Variants in NPTN observed in about 807,000 individuals in gnomAD.
The protein encoded by NPTN is SDR-1.
A neutral mutation model predicts 42.7 loss-of-function variants in NPTN; 5 were observed. The observed-to-expected ratio is 0.12, with a 90% CI of 0.06 to 0.25. The LOEUF is 0.25. NPTN is among the 10% of genes least tolerant of loss of function. The probability of loss-of-function intolerance (pLI) is 1.00; values close to 1 mark genes in which losing one functional copy is unlikely to be tolerated. For synonymous variants in NPTN, 180 were observed against 201.9 expected (o/e 0.89, Z 0.92); for missense variants, 307 against 525.4 (o/e 0.58, Z 4.06).
chr15:73,615,511 G>C (rs928398660), intron 1 of NPTN, among the ~76,000 whole-genome samples: 1 of 152,068 alleles, frequency 6.6e-6, no homozygotes, highest in African/African-American at 2.4e-5. Context: ...CTCACTGACA[G>C]CAATGCTTTT....
chr15:73,574,297 G>A (rs912973036), intron 4 of NPTN, among the ~76,000 whole-genome samples: 1 of 152,136 alleles, frequency 6.6e-6, no homozygotes, highest in Non-Finnish European at 1.5e-5. Context: ...GCTTGGAGAA[G>A]CTACTCAATA....
intron 1 of NPTN, among the ~76,000 whole-genome samples, chr15:73,619,811 G>T (rs1032943169): frequency 2.0e-5 from 3 of 152,158 alleles, no homozygotes; most frequent in Non-Finnish European, 4.4e-5. Context: ...CACATAGCTA[G>T]CTTTAAAACA....
intron 1 of NPTN, among the ~76,000 whole-genome samples, chr15:73,603,485 A>G (rs76343330): frequency 0.037 from 5,639 of 152,346 alleles, 167 homozygotes; most frequent in African/African-American, 0.077. Context: ...GGAATTCTTC[A>G]TTCCTTCCTA....
intron 1 of NPTN, among the ~76,000 whole-genome samples, chr15:73,607,174 C>T (rs1301184656): frequency 6.6e-6 from 1 of 152,224 alleles, no homozygotes; most frequent in Non-Finnish European, 1.5e-5. Context: ...CTACATCTAT[C>T]ACCATGTTCT....
chr15:73,600,130 G>T (rs76848667), intron 1 of NPTN, among the ~76,000 whole-genome samples: 7,790 of 152,252 alleles, frequency 0.051, 211 homozygotes, highest in South Asian at 0.093. Context: ...GAGTCACTCA[G>T]CCAGATCATG....
chr15:73,604,247 C>T (rs12593246), intron 1 of NPTN, among the ~76,000 whole-genome samples: 85,439 of 151,988 alleles, frequency 0.56, 24,201 homozygotes, highest in African/African-American at 0.62. Flanking sequence ...TCTGATCGCT[C>T]GAGTCCAAGA....
intron 2 of NPTN, among the ~76,000 whole-genome samples, chr15:73,592,884 T>C (rs557843028): frequency 1.6e-4 from 25 of 152,342 alleles, no homozygotes; most frequent in Admixed American, 1.3e-3. Flanking sequence ...CCCAGAATTT[T>C]AGAAAGGCCC....
chr15:73,563,989 A>C (rs1894838258), intron 6 of NPTN, among the ~76,000 whole-genome samples: 2 of 152,252 alleles, frequency 1.3e-5, no homozygotes, highest in African/African-American at 4.8e-5. Flanking sequence ...ACCAGAAGCC[A>C]AACCCAGGGG....
At chr15:73,566,450 CAG>C (rs1451142344) in intron 6 of NPTN, among the ~76,000 whole-genome samples, 2 of 152,202 alleles carry the variant, frequency 1.3e-5, no homozygotes, top group African/African-American at 4.8e-5. Flanking sequence ...AAGGTAAAAA[CAG>C]AAAGTTCTTT....
Position 73,604,677 on chromosome 15 carries a change from C to A in NPTN, c.92-7308G>T, listed in dbSNP as rs182862919. On this transcript the variant is annotated intron_variant, in intron 1 of 8. Transcript: ENST00000345330. ...TTTTCCATTTCTTCAACCTCAGTTT[C>A]CTCATCTGAAAAATGGGGACAATGA... 5.3e-5 allele frequency among the ~76,000 whole-genome samples: 8 copies of A among 152,278 alleles called. No individual in the cohort carries two copies. In the East Asian group the frequency reaches 1.4e-3, roughly 26 times the overall value.
Position 73,625,521 on chromosome 15 carries a change from T to C in NPTN, c.91+7604A>G, listed in dbSNP as rs184396698. 4.5e-3 allele frequency among the ~76,000 whole-genome samples: 691 copies of C among 152,084 alleles called. 3 individuals carry two copies. The highest frequency in any genetic ancestry group is 0.016 in the African/African-American group (658 of 41,436). On this transcript the variant is annotated intron_variant, in intron 1 of 8. Transcript: ENST00000345330. ...TGATTTTTTGTATTTTTGGTAGAGA[T>C]GGGGTTTCACCGTGTTAGCCAGGAT...
intron 3 of NPTN, 55 bp downstream of exon 3, chr15:73,591,911 A>G (rs1896604453): frequency 4.6e-6 from 7 of 1,517,582 alleles, no homozygotes; most frequent in Non-Finnish European, 4.5e-6. Context: ...ATGAATGTCA[A>G]GTAAGCTCAG....
At chr15:73,567,154 C>T (rs1895072452) in intron 6 of NPTN, 1 of 984,810 alleles carries the variant, frequency 1.0e-6, no homozygotes, top group Non-Finnish European at 1.2e-6. Context: ...TTGTATTGTT[C>T]ACTTAGTGCT....
chr15:73,573,569 G>C (rs564365586), intron 5 of NPTN, 93 bp downstream of exon 5: 2 of 1,381,590 alleles, frequency 1.4e-6, no homozygotes, highest in Admixed American at 2.8e-5. Context: ...GCACACATCC[G>C]AGGATACAGC....
At chr15:73,622,594 T>C (rs1486089203) in intron 1 of NPTN, among the ~76,000 whole-genome samples, 1 of 150,824 alleles carries the variant, frequency 6.6e-6, no homozygotes, top group Non-Finnish European at 1.5e-5. Context: ...TACTGTCAGA[T>C]ATAAGGTAGC....
intron 7 of NPTN, among the ~76,000 whole-genome samples, chr15:73,562,474 T>G (rs527366507): frequency 1.6e-4 from 24 of 152,298 alleles, no homozygotes; most frequent in Admixed American, 1.0e-3. Flanking sequence ...ATGTAAAACT[T>G]TTCTCCACTG....
At chr15:73,589,598 A>G (rs1487282985) in intron 3 of NPTN, among the ~76,000 whole-genome samples, 1 of 152,146 alleles carries the variant, frequency 6.6e-6, no homozygotes, top group African/African-American at 2.4e-5. Flanking sequence ...AGGGGTTAAA[A>G]TATGATACTT....
At chr15:73,593,959 C>G (rs1020363834) in intron 2 of NPTN, among the ~76,000 whole-genome samples, 2 of 152,104 alleles carry the variant, frequency 1.3e-5, no homozygotes, top group African/African-American at 4.8e-5. Flanking sequence ...AGAAGTCGAG[C>G]AGAACGGCTG....
chr15:73,631,885 A>G (rs1898764327), intron 1 of NPTN, among the ~76,000 whole-genome samples: 1 of 152,174 alleles, frequency 6.6e-6, no homozygotes, highest in South Asian at 2.1e-4. Context: ...TTAGGTCCCT[A>G]TGCCCATGAT....
Sources: gnomAD v4.1 joint callset for allele counts (sites outside exome capture counted in the v4.1 genomes callset) on GRCh38, gnomAD v4.1.1 for gene constraint, MANE v1.5 for transcripts, NCBI Gene and HGNC (gene_info 2026-07-23, HGNC 2026-07-21) for gene names.